MBTPS1: variants seen among roughly 807,000 people sequenced by gnomAD.
MBTPS1 encodes the protein membrane-bound transcription factor site-1 protease.
Under a neutral mutation model 127.8 loss-of-function variants are expected in MBTPS1, and 94 were observed. The ratio of observed to expected loss-of-function variants is 0.74; its 90% CI spans 0.62 to 0.87. The LOEUF (loss-of-function observed/expected upper bound fraction) is 0.87. Among genes scored for constraint, MBTPS1 ranks in the 40% least tolerant of loss-of-function variants. MBTPS1 has a pLI of 0.00. For synonymous variants in MBTPS1, 632 were observed against 509.4 expected (o/e 1.24, Z -3.24); for missense variants, 1,636 against 1,353.2 (o/e 1.21, Z -3.28).
At chr16:84,103,172 C>T (rs1480035454) in intron 1 of MBTPS1, among the ~76,000 whole-genome samples, 2 of 151,740 alleles carry the variant, frequency 1.3e-5, no homozygotes, top group African/African-American at 4.8e-5. Flanking sequence ...ATACCCGGGG[C>T]GTAAATAATC....
rs2085720043 is a variant in MBTPS1 at position 84,068,334 on chromosome 16, C to A, written c.2071+5G>T. The A allele has an allele frequency of 6.3e-7, 1 of 1,581,960 alleles. No individual in the cohort carries two copies. The highest frequency in any genetic ancestry group is 8.7e-7 in the Non-Finnish European group (1 of 1,150,846). ...CCATCTGGCTAGCACAGCAGTGCCA[C>A]TTACCATACTGACTGGCATCAAAAC... On this transcript the variant is annotated splice_donor_5th_base_variant and intron_variant, in intron 15 of 22. Transcript: ENST00000343411.
In MBTPS1 at chr16:84,068,364, G is replaced by A; in HGVS notation, c.2046C>T (p.Phe682=). Residue 682 remains phenylalanine, a synonymous_variant, in exon 15 of 23, where the codon TTC becomes TTT. Coordinates refer to ENST00000343411, the MANE Select transcript of MBTPS1 (RefSeq NM_003791.4). Reference sequence around the variant, plus strand: ...CATACTGACTGGCATCAAAACACGTGAAGGGGGCCCCGAGGACCTCTACAA... The same window carrying A: ...CATACTGACTGGCATCAAAACACGTAAAGGGGGCCCCGAGGACCTCTACAA... ...GYFVEVLGAP[F]TCFDASQYGT... The A allele has an allele frequency of 6.2e-7, 1 of 1,613,944 alleles. No individual in the cohort carries two copies. The highest frequency in any genetic ancestry group is 8.5e-7 in the Non-Finnish European group (1 of 1,179,796).
intron 12 of MBTPS1, among the ~76,000 whole-genome samples, chr16:84,072,747 G>A (rs991387220): frequency 6.6e-6 from 1 of 152,160 alleles, no homozygotes; most frequent in African/African-American, 2.4e-5. Context: ...CCGAGATCGT[G>A]CCACTGCACT....
Position 84,054,590 on chromosome 16 carries a change from G to A in MBTPS1, c.3018C>T (p.Ala1006=), listed in dbSNP as rs146929458. The change falls in exon 23 of 23, where the codon GCC becomes GCT. Residue 1006 remains alanine, a synonymous_variant. Coordinates refer to ENST00000343411, the MANE Select transcript of MBTPS1 (RefSeq NM_003791.4). ...CCAGGACCACCATGGCTCCCAGGAAGGCAAAGACAGGAATGGTCTGGCCCA... is the reference window on the plus strand; with the variant it reads ...CCAGGACCACCATGGCTCCCAGGAAAGCAAAGACAGGAATGGTCTGGCCCA... ...QEVGQTIPVF[A]FLGAMVVLAF... is the part of the protein sequence containing the mutation. 75 of 1,613,702 alleles carry A rather than the reference G, an allele frequency of 4.6e-5. No homozygotes were observed. The African/African-American group carries it at 8.7e-4, about 19-fold the overall frequency.
intron 2 of MBTPS1, 120 bp downstream of exon 2, chr16:84,101,501 A>G (rs1188169431): frequency 6.1e-6 from 6 of 987,590 alleles, no homozygotes; most frequent in Non-Finnish European, 5.8e-6. Context: ...AAAAAAAAAA[A>G]AAAGAAAGAA....
rs761651172 is a variant in MBTPS1, at chr16:84,070,699, A to G, written c.1671T>C (p.Pro557=). 6.2e-7 allele frequency: 1 copy of G among 1,614,124 alleles called. No individual in the cohort carries two copies. The highest frequency in any genetic ancestry group is 2.2e-5 in the East Asian group (1 of 44,886). The change falls in exon 13 of 23, where the codon CCT becomes CCC. Residue 557 remains proline (P), a synonymous_variant. Coordinates refer to ENST00000343411, the MANE Select transcript of MBTPS1 (RefSeq NM_003791.4). ...VAFSYSSVLW[P]WSGYLAISIS... The stretch of plus-strand genomic sequence containing the variant: ...TGGAGATGGCCAGGTAGCCCGACCA[A>G]GGCCATAAGACCGAGGAGTAGGAGA...
intron 9 of MBTPS1, 91 bp downstream of exon 9, chr16:84,087,267 C>A: frequency 2.0e-6 from 2 of 993,018 alleles, no homozygotes; most frequent in African/African-American, 1.6e-5. Flanking sequence ...TGTGCACTTA[C>A]AAATACACCC....
chr16:84,070,466 T>C, intron 13 of MBTPS1, 122 bp downstream of exon 13: 1 of 974,756 alleles, frequency 1.0e-6, no homozygotes, highest in Non-Finnish European at 1.5e-6. Flanking sequence ...ATTGTGGCCA[T>C]CGAGGATAAG....
At position 84,095,675 on chromosome 16, in the gene MBTPS1, C is replaced by G. The variant is rs368646667; in HGVS notation, c.552G>C (p.Arg184=). Residue 184 remains arginine (R), a synonymous_variant, in exon 4 of 23, where the codon CGG becomes CGC. Coordinates refer to ENST00000343411, the MANE Select transcript of MBTPS1 (RefSeq NM_003791.4). ...CCTGGCGCGGGATGGCTCTCAGCAG[C>G]CGTCTGCTCGAATGCCTTCCCGTAG... ...WHATGRHSSR[R]LLRAIPRQVA... The G allele has an allele frequency of 6.2e-7, 1 of 1,614,134 alleles. No homozygotes were observed. The highest frequency in any genetic ancestry group is 1.3e-5 in the African/African-American group (1 of 74,938).
intron 3 of MBTPS1, 98 bp from the exon 4 acceptor site, chr16:84,095,903 T>A (rs955598341): frequency 2.1e-6 from 2 of 932,142 alleles, no homozygotes; most frequent in Admixed American, 4.1e-5. Flanking sequence ...GGATTACCAT[T>A]TGCCACTCTG....
At chr16:84,081,693 C>A in intron 11 of MBTPS1, 54 bp downstream of exon 11, 1 of 1,277,552 alleles carries the variant, frequency 7.8e-7, no homozygotes, top group South Asian at 3.0e-5. Context: ...AGGGAAAATT[C>A]GCCCAGAGCC....
intron 3 of MBTPS1, among the ~76,000 whole-genome samples, chr16:84,097,563 T>C (rs1023458190): frequency 1.3e-5 from 2 of 152,234 alleles, no homozygotes; most frequent in Non-Finnish European, 2.9e-5. Flanking sequence ...TCTAGGATTC[T>C]TGTGCTAAAA....
intron 1 of MBTPS1, among the ~76,000 whole-genome samples, chr16:84,115,845 C>A (rs2086467596): frequency 6.6e-6 from 1 of 151,672 alleles, no homozygotes; most frequent in Non-Finnish European, 1.5e-5. Flanking sequence ...CTGAATAGTA[C>A]ACTTAAAACA....
chr16:84,115,822 T>G lies in MBTPS1; in HGVS notation c.-325+913A>C, dbSNP rs78020764. ...TGGTAGTGGCTGTGCTGCTGTAAAT[T>G]TACTAAAAACCACTGAATAGTACAC... is the stretch of plus-strand genomic sequence containing the variant. On this transcript the variant is annotated intron_variant, in intron 1 of 22. Transcript: ENST00000343411. Among the ~76,000 whole-genome samples, 1,140 of 152,262 alleles carry G rather than the reference T, an allele frequency of 7.5e-3. 20 individuals carry two copies. The highest frequency in any genetic ancestry group is 0.026 in the African/African-American group (1,081 of 41,540).
Position 84,081,896 on chromosome 16 carries a change from C to G in MBTPS1, c.1299G>C (p.Lys433Asn). 1 of 1,419,270 alleles carries G rather than the reference C, an allele frequency of 7.0e-7. No individual in the cohort carries two copies. Among genetic ancestry groups the G allele is most frequent in the Admixed American group, 2.8e-5 (1 of 35,610 alleles). 87.9% of individuals were successfully genotyped at this position (1,419,270 alleles called of 1,614,324 possible). A position where few individuals can be genotyped will look rare whatever the true frequency, so the allele number is the denominator to read the frequency against. The change falls in exon 11 of 23, where the codon AAG becomes AAC. Residue 433 changes from lysine to asparagine, a missense_variant. By Grantham distance (94) the Lys-to-Asn change is moderately conservative (BLOSUM62 0). Transcript: ENST00000343411. The stretch of plus-strand genomic sequence containing the variant: ...TACTGGCGGGATTCACCAGCTCACG[C>G]TTCTGGACTGTGCTGGAGGAAAAAT... Reference protein sequence around the residue: ...AVTLLVSTVQKRELVNPASMK... With the variant: ...AVTLLVSTVQNRELVNPASMK...
chr16:84,102,979 C>T (rs993697610), intron 1 of MBTPS1, among the ~76,000 whole-genome samples: 4 of 152,146 alleles, frequency 2.6e-5, no homozygotes, highest in Admixed American at 6.5e-5. Flanking sequence ...CATGAGAAGA[C>T]AGTTTGTGAG....
intron 10 of MBTPS1, among the ~76,000 whole-genome samples, chr16:84,084,034 AC>A (rs1398094178): frequency 6.6e-6 from 1 of 152,200 alleles, no homozygotes; most frequent in Non-Finnish European, 1.5e-5. Flanking sequence ...ATCTCAGTTC[AC>A]TGCAGCCTCC....
At chr16:84,107,708 ATTT>A (rs61479777) in intron 1 of MBTPS1, among the ~76,000 whole-genome samples, 1 of 144,498 alleles carries the variant, frequency 6.9e-6, no homozygotes. Context: ...TCCTGGGCCT[ATTT>A]TTTTTTTTTT....
intron 1 of MBTPS1, among the ~76,000 whole-genome samples, chr16:84,114,392 A>G (rs970461274): frequency 7.9e-5 from 12 of 152,200 alleles, no homozygotes; most frequent in Non-Finnish European, 1.3e-4. Context: ...CAAGAGTGAG[A>G]AACCTTGGTC....
Sources: gnomAD v4.1 joint callset for allele counts (sites outside exome capture counted in the v4.1 genomes callset) on GRCh38, gnomAD v4.1.1 for gene constraint, MANE v1.5 for transcripts, NCBI Gene and HGNC (gene_info 2026-07-23, HGNC 2026-07-21) for gene names.